The following SUCLG2 variants were observed in gnomAD, a reference collection of about 807,000 sequenced individuals.
SUCLG2 encodes succinate--CoA ligase [GDP-forming] subunit beta, mitochondrial.
SUCLG2 carries 42 observed loss-of-function variants against 47.9 expected under a neutral mutation model. The ratio of observed to expected loss-of-function variants is 0.88; its 90% CI spans 0.69 to 1.14. SUCLG2 has a LOEUF of 1.14. SUCLG2 is among the 50% of genes most tolerant of loss of function. SUCLG2 has a pLI of 0.00. For missense variants in SUCLG2, 571 were observed against 525.9 expected, an observed-to-expected ratio of 1.09 and a Z score of -0.84; for synonymous variants, 195 against 197.3, an observed-to-expected ratio of 0.99 and a Z score of 0.10.
intron 2 of SUCLG2, among the ~76,000 whole-genome samples, chr3:67,552,197 A>G (rs1010549315): frequency 1.3e-5 from 2 of 151,700 alleles, no homozygotes; most frequent in Non-Finnish European, 2.9e-5. Flanking sequence ...AAAAAAGAAA[A>G]AAGAAAAAAT....
At chr3:67,373,357 G>C (rs1158047817), downstream of SUCLG2, among the ~76,000 whole-genome samples, 1 of 151,830 alleles carries the variant, frequency 6.6e-6, no homozygotes, top group Non-Finnish European at 1.5e-5. Flanking sequence ...AGGGGATAAA[G>C]CAATTAAATC....
At chr3:67,512,691 G>C (rs766120924) in intron 6 of SUCLG2, among the ~76,000 whole-genome samples, 1 of 150,858 alleles carries the variant, frequency 6.6e-6, no homozygotes, top group Non-Finnish European at 1.5e-5. Context: ...CAGTTCTGCA[G>C]GGTCAAGTTG....
chr3:67,433,721 G>A (rs573737976), intron 9 of SUCLG2, among the ~76,000 whole-genome samples: 1 of 151,704 alleles, frequency 6.6e-6, no homozygotes, highest in East Asian at 1.9e-4. Flanking sequence ...AATAAATCCA[G>A]ACATTGGGTG....
chr3:67,467,117 C>T (rs567069049), intron 9 of SUCLG2, among the ~76,000 whole-genome samples: 9 of 152,240 alleles, frequency 5.9e-5, no homozygotes, highest in Admixed American at 2.6e-4. Context: ...AATTAATGAC[C>T]TCTGGCCTAT....
At chr3:67,391,477 A>C (rs1210055968) in intron 10 of SUCLG2, among the ~76,000 whole-genome samples, 1 of 152,140 alleles carries the variant, frequency 6.6e-6, no homozygotes, top group Non-Finnish European at 1.5e-5. Flanking sequence ...AGAGGCAGCC[A>C]TAGAGTTTTC....
At chr3:67,579,960 C>CCA (rs1382763115) in intron 2 of SUCLG2, among the ~76,000 whole-genome samples, 1 of 151,660 alleles carries the variant, frequency 6.6e-6, no homozygotes, top group African/African-American at 2.4e-5. Context: ...CAGTACAACT[C>CCA]CACAAGACTT....
intron 8 of SUCLG2, among the ~76,000 whole-genome samples, chr3:67,497,649 G>C (rs1298780709): frequency 6.6e-6 from 1 of 152,094 alleles, no homozygotes; most frequent in Non-Finnish European, 1.5e-5. Context: ...AATTTCAGAA[G>C]AGTTCTGCAT....
At chr3:67,653,350 G>A (rs1363489723) in intron 1 of SUCLG2, among the ~76,000 whole-genome samples, 2 of 152,106 alleles carry the variant, frequency 1.3e-5, no homozygotes, top group South Asian at 4.1e-4. Context: ...TCACTATACT[G>A]TCAAGCACCT....
At chr3:67,378,914 C>A (rs1224528156) in intron 10 of SUCLG2, among the ~76,000 whole-genome samples, 2 of 152,080 alleles carry the variant, frequency 1.3e-5, no homozygotes, top group African/African-American at 4.8e-5. Context: ...CAGGAGCAAA[C>A]CAGTCTTTGG....
chr3:67,425,684 C>G (rs1043701848), intron 9 of SUCLG2, among the ~76,000 whole-genome samples: 4 of 152,224 alleles, frequency 2.6e-5, no homozygotes, highest in African/African-American at 4.8e-5. Flanking sequence ...ATACCACCAG[C>G]CTTCCTGGGT....
At chr3:67,615,621 A>AAC (rs60992383) in intron 1 of SUCLG2, among the ~76,000 whole-genome samples, 6,788 of 142,114 alleles carry the variant, frequency 0.048, 283 homozygotes, top group African/African-American at 0.093. Flanking sequence ...CACAAACACA[A>AAC]ACACACACAC....
chr3:67,646,993 A>G (rs1481282334), intron 1 of SUCLG2, among the ~76,000 whole-genome samples: 2 of 152,156 alleles, frequency 1.3e-5, no homozygotes, highest in Non-Finnish European at 2.9e-5. Context: ...AGGATCAGCG[A>G]TCTTGTCCTT....
At chr3:67,495,747 C>A (rs371141072) in intron 9 of SUCLG2, 51 bp downstream of exon 9, 4 of 1,604,762 alleles carry the variant, frequency 2.5e-6, no homozygotes, top group East Asian at 2.2e-5. Flanking sequence ...GAGCTCTTGA[C>A]GGTGAGAAAT....
At position 67,410,388 on chromosome 3, in the gene SUCLG2, A is replaced by C. The variant is rs117569974; in HGVS notation, c.1063-9537T>G. ...TATTAACAGGATTTTCAGGAGAAGAAAAATCTGAAGATGGAAATATTGAAT... is the reference window on the plus strand; with the variant it reads ...TATTAACAGGATTTTCAGGAGAAGACAAATCTGAAGATGGAAATATTGAAT... On this transcript the variant is annotated intron_variant, in intron 9 of 10. Transcript: ENST00000307227. Among the ~76,000 whole-genome samples, 26 of 152,344 alleles carry C rather than the reference A, an allele frequency of 1.7e-4. 1 individual carries two copies. The East Asian group carries it at 5.0e-3, about 29-fold the overall frequency.
intron 10 of SUCLG2, among the ~76,000 whole-genome samples, chr3:67,390,655 T>G (rs1350792645): frequency 6.6e-6 from 1 of 151,738 alleles, no homozygotes; most frequent in Non-Finnish European, 1.5e-5. Flanking sequence ...AATGAGGGTT[T>G]TTTTTTTTTC....
At chr3:67,487,052 A>G (rs1575729105) in intron 9 of SUCLG2, among the ~76,000 whole-genome samples, 1 of 152,236 alleles carries the variant, frequency 6.6e-6, no homozygotes, top group East Asian at 1.9e-4. Flanking sequence ...TGTAGATTAG[A>G]TTACAGTGAA....
chr3:67,382,378 G>A (rs757153820), intron 10 of SUCLG2, among the ~76,000 whole-genome samples: 2 of 152,182 alleles, frequency 1.3e-5, no homozygotes, highest in Non-Finnish European at 1.5e-5. Context: ...CACGCAGCTG[G>A]CCTTTAAGTG....
At chr3:67,607,670 C>A (rs1225748220) in intron 2 of SUCLG2, among the ~76,000 whole-genome samples, 1 of 152,142 alleles carries the variant, frequency 6.6e-6, no homozygotes, top group East Asian at 1.9e-4. Flanking sequence ...GTTTGGCTGT[C>A]CCCACCCAAA....
At chr3:67,613,443 G>T (rs6798772) in intron 1 of SUCLG2, among the ~76,000 whole-genome samples, 1,942 of 152,248 alleles carry the variant, frequency 0.013, 48 homozygotes, top group African/African-American at 0.044. Flanking sequence ...CAGCCAGTAA[G>T]TTGTGAGTAC....
Sources: gnomAD v4.1 joint callset for allele counts (sites outside exome capture counted in the v4.1 genomes callset) on GRCh38, gnomAD v4.1.1 for gene constraint, MANE v1.5 for transcripts, NCBI Gene and HGNC (gene_info 2026-07-23, HGNC 2026-07-21) for gene names.